TBC1D12: variants seen among roughly 807,000 people sequenced by gnomAD.
TBC1D12 encodes TBC1 domain family member 12.
TBC1D12 carries 56 observed loss-of-function variants against 86.7 expected under a neutral mutation model. That is an observed-to-expected ratio of 0.65 (90% CI 0.52 to 0.81). The LOEUF (loss-of-function observed/expected upper bound fraction) is 0.81. Among genes scored for constraint, TBC1D12 ranks in the 30% least tolerant of loss-of-function variants. The pLI, the probability that TBC1D12 is intolerant of heterozygous loss-of-function variation, is 0.00. For synonymous variants in TBC1D12, 421 were observed against 411.7 expected, an observed-to-expected ratio of 1.02 and a Z score of -0.27; for missense variants, 1,023 against 1,038.8, an observed-to-expected ratio of 0.98 and a Z score of 0.21.
At chr10:94,511,433 A>T (rs2056525515) in intron 8 of TBC1D12, 150 bp from the exon 9 acceptor site, 1 of 617,286 alleles carries the variant, frequency 1.6e-6, no homozygotes, top group Admixed American at 3.0e-5. Flanking sequence ...AATTTGGAAA[A>T]CATCTTGGCA....
At chr10:94,470,250 A>G (rs1228349452) in intron 2 of TBC1D12, among the ~76,000 whole-genome samples, 2 of 152,210 alleles carry the variant, frequency 1.3e-5, no homozygotes, top group African/African-American at 2.4e-5. Flanking sequence ...TTAAGAGCTC[A>G]TAAATTTGCC....
rs551861731 is a variant in TBC1D12, at chr10:94,469,728, G to A, written c.1096-4940G>A. 3.9e-5 allele frequency among the ~76,000 whole-genome samples: 6 copies of A among 152,266 alleles called. No individual in the cohort carries two copies. The South Asian group carries it at 8.3e-4, about 21-fold the overall frequency. Reference sequence around the variant, plus strand: ...GCTTCCCAAAGTGATGGGATTACAGGTGTGAGCCACTGTGCAGGACCTGGA... The same window carrying A: ...GCTTCCCAAAGTGATGGGATTACAGATGTGAGCCACTGTGCAGGACCTGGA... On this transcript the variant is annotated intron_variant, in intron 2 of 12. Coordinates refer to ENST00000225235, the MANE Select transcript of TBC1D12 (RefSeq NM_015188.2).
Position 94,463,247 on chromosome 10 carries a change from A to G in TBC1D12, c.1096-11421A>G, listed in dbSNP as rs1177332117. 3.3e-5 allele frequency among the ~76,000 whole-genome samples: 5 copies of G among 152,324 alleles called. No individual in the cohort carries two copies. The South Asian group carries it at 8.3e-4, about 25-fold the overall frequency. On this transcript the variant is annotated intron_variant, in intron 2 of 12. Transcript: ENST00000225235. ...TGTCTCAGTCCATTTTCCGTTGCTT[A>G]TAACAGAATATTGGAAACTGAGTGA...
At chr10:94,461,320 C>A (rs1323604043) in intron 2 of TBC1D12, among the ~76,000 whole-genome samples, 2 of 151,924 alleles carry the variant, frequency 1.3e-5, no homozygotes, top group African/African-American at 4.8e-5. Flanking sequence ...TTTTTTTTCC[C>A]CCTTTGACAG....
chr10:94,449,751 A>C (rs1258772556), intron 2 of TBC1D12, among the ~76,000 whole-genome samples: 1 of 152,208 alleles, frequency 6.6e-6, no homozygotes, highest in Non-Finnish European at 1.5e-5. Context: ...ATCAGGGTAT[A>C]TATCAGGCAA....
intron 2 of TBC1D12, among the ~76,000 whole-genome samples, chr10:94,460,274 A>G (rs1261769891): frequency 6.6e-6 from 1 of 152,220 alleles, no homozygotes; most frequent in Non-Finnish European, 1.5e-5. Context: ...CTTCTTTCAG[A>G]AGAAATTCTT....
rs529448087 is a variant in TBC1D12, at chr10:94,490,861, AT to A, written c.1212-2494del. ...CTTGTGTGAACTTTAAGAATGTCCT[AT>A]TTTTTTTTTCTCTGGTGGTTCTTTC... is the stretch of plus-strand genomic sequence containing the variant. On this transcript the variant is annotated intron_variant, in intron 3 of 12. Coordinates refer to ENST00000225235, the MANE Select transcript of TBC1D12 (RefSeq NM_015188.2). 2.9e-3 allele frequency among the ~76,000 whole-genome samples: 432 copies of A among 147,330 alleles called. 1 individual carries two copies. Among genetic ancestry groups the A allele is most frequent in the Non-Finnish European group, 4.1e-3 (274 of 66,410 alleles).
chr10:94,465,692 G>GTGTA (rs1216379205), intron 2 of TBC1D12, among the ~76,000 whole-genome samples: 3 of 127,318 alleles, frequency 2.4e-5, no homozygotes, highest in African/African-American at 8.2e-5. Flanking sequence ...GTGTGTGTGT[G>GTGTA]TGTGTACATA....
chr10:94,444,805 C>G (rs1251851083), intron 2 of TBC1D12, among the ~76,000 whole-genome samples: 2 of 150,336 alleles, frequency 1.3e-5, no homozygotes, highest in East Asian at 4.0e-4. Context: ...GATCTCGGCT[C>G]ACTGCAATCT....
In TBC1D12 at chr10:94,479,450, AG is replaced by A. The variant is rs552326502; in HGVS notation, c.1211+4669del. Among the ~76,000 whole-genome samples, 512 of 152,218 alleles carry A rather than the reference AG, an allele frequency of 3.4e-3. 1 individual carries two copies. The highest frequency in any genetic ancestry group is 5.9e-3 in the Non-Finnish European group (402 of 68,010). On this transcript the variant is annotated intron_variant, in intron 3 of 12. Transcript: ENST00000225235. ...TATCTTCACAATTCTTTGTAATTCT[AG>A]GAAGTACTTTTTCTGAAATTTAGGA...
Position 94,496,147 on chromosome 10 carries a change from C to T in TBC1D12, c.1295-908C>T, listed in dbSNP as rs191046213. Among the ~76,000 whole-genome samples the T allele has an allele frequency of 1.9e-3, 292 of 151,904 alleles. 2 individuals carry two copies. Among genetic ancestry groups the T allele is most frequent in the Non-Finnish European group, 2.9e-3 (200 of 67,906 alleles). On this transcript the variant is annotated intron_variant, in intron 4 of 12. Transcript: ENST00000225235. ...TAGAGATTGTTTACTTGGCCTTCTG[C>T]TTGCCCCTCAAGATGGTCTGAGGCA...
At chr10:94,521,901 T>C (rs185889941) in intron 9 of TBC1D12, 54 bp from the exon 10 acceptor site, 491 of 1,454,268 alleles carry the variant, frequency 3.4e-4, no homozygotes, top group Non-Finnish European at 4.1e-4. Context: ...TAAAATAAAC[T>C]ATATAGATTT....
rs761009611 is a variant in TBC1D12, at chr10:94,403,542, C to T, written c.929C>T (p.Ala310Val). ...GAGCAGGGTCCTGCGGGGGCTTCGG[C>T]CCGGGCTCGACGGAGTGGCGGCTTC... ...AAEQGPAGAS[A>V]RARRSGGFAD... Residue 310 changes from alanine (A) to valine (V), a missense_variant, in exon 1 of 13, where the codon GCC (alanine) becomes GTC (valine). This residue lies in a region of TBC1D12 where 628 missense variants were observed against 531.1 expected (regional missense o/e 1.18). Coordinates refer to ENST00000225235, the MANE Select transcript of TBC1D12 (RefSeq NM_015188.2). 2 of 1,517,206 alleles carry T rather than the reference C, an allele frequency of 1.3e-6. No individual in the cohort carries two copies. Among genetic ancestry groups the T allele is most frequent in the Non-Finnish European group, 8.8e-7 (1 of 1,142,348 alleles). The allele number at this position is 1,517,206 out of a possible 1,614,324, so 94.0% of individuals were successfully genotyped here. A position where few individuals can be genotyped will look rare whatever the true frequency, so the allele number is the denominator to read the frequency against.
At chr10:94,413,643 A>G (rs1253611887) in intron 1 of TBC1D12, among the ~76,000 whole-genome samples, 3 of 152,154 alleles carry the variant, frequency 2.0e-5, no homozygotes, top group African/African-American at 4.8e-5. Flanking sequence ...AGTTTACCTT[A>G]GGAAATCAAG....
chr10:94,503,236 A>G (rs114678105), intron 6 of TBC1D12, among the ~76,000 whole-genome samples: 54 of 152,330 alleles, frequency 3.5e-4, no homozygotes, highest in African/African-American at 1.2e-3. Context: ...GCCATTCTAT[A>G]AAAAAGACAT....
intron 10 of TBC1D12, 121 bp downstream of exon 10, chr10:94,522,204 T>C: frequency 7.8e-7 from 1 of 1,284,660 alleles, no homozygotes; most frequent in Middle Eastern, 2.4e-4. Context: ...TATTATAGTT[T>C]ATTAATGAAT....
At chr10:94,470,861 T>C (rs1044201015) in intron 2 of TBC1D12, among the ~76,000 whole-genome samples, 1 of 151,756 alleles carries the variant, frequency 6.6e-6, no homozygotes, top group Non-Finnish European at 1.5e-5. Context: ...TACAATGTTT[T>C]AAAGCTTTTT....
chr10:94,420,812 T>A (rs1045924488), intron 1 of TBC1D12, among the ~76,000 whole-genome samples: 1 of 152,218 alleles, frequency 6.6e-6, no homozygotes, highest in Non-Finnish European at 1.5e-5. Context: ...TGGATAGTGC[T>A]GCTAGTATCA....
chr10:94,507,144 CT>C, intron 6 of TBC1D12, 122 bp from the exon 7 acceptor site: 1 of 906,876 alleles, frequency 1.1e-6, no homozygotes, highest in Non-Finnish European at 1.7e-6. Flanking sequence ...AGATTTGCCA[CT>C]TTTTTGATGC....
Sources: gnomAD v4.1 joint callset for allele counts (sites outside exome capture counted in the v4.1 genomes callset) on GRCh38, gnomAD v4.1.1 for gene constraint, gnomAD v4.1.1 regional missense constraint, MANE v1.5 for transcripts, NCBI Gene and HGNC (gene_info 2026-07-23, HGNC 2026-07-21) for gene names.